The following NAV1 variants were observed in gnomAD, a reference collection of about 807,000 sequenced individuals.
The protein encoded by NAV1 is neuron navigator 1.
Under a neutral mutation model 175.2 loss-of-function variants are expected in NAV1, and 18 were observed. The observed-to-expected ratio is 0.10, with a 90% CI of 0.07 to 0.15. The LOEUF (loss-of-function observed/expected upper bound fraction) is 0.15. NAV1 is among the 10% of genes least tolerant of loss of function. The pLI, the probability that NAV1 is intolerant of heterozygous loss-of-function variation, is 1.00. For missense variants in NAV1, 1,731 were observed against 2,436.6 expected, an observed-to-expected ratio of 0.71 and a Z score of 6.10; for synonymous variants, 897 against 978.7, an observed-to-expected ratio of 0.92 and a Z score of 1.56.
chr1:201,593,028 A>T (rs2102216753), intron 2 of NAV1, among the ~76,000 whole-genome samples: 1 of 152,208 alleles, frequency 6.6e-6, no homozygotes, highest in African/African-American at 2.4e-5. Context: ...GGCTCCTATC[A>T]CCAAAGATGT....
intron 3 of NAV1, among the ~76,000 whole-genome samples, chr1:201,742,873 C>T (rs1558117828): frequency 1.5e-5 from 1 of 68,056 alleles, no homozygotes; most frequent in African/African-American, 3.6e-5. Flanking sequence ...TCCTGCAAAG[C>T]CCCTGCCCTG....
chr1:201,632,094 C>T (rs1189889654), intron 2 of NAV1, among the ~76,000 whole-genome samples: 1 of 152,048 alleles, frequency 6.6e-6, no homozygotes, highest in African/African-American at 2.4e-5. Context: ...CTTCCAAGCT[C>T]ACTGAATGGG....
rs1273953737 is a variant in NAV1 at position 201,808,392 on chromosome 1, CTGGCTTGACTCT to C, written c.3846-23_3846-12del. ...TAACTCTAGTGCTTCTTCATGTAGC[CTGGCTTGACTCT>C]TGCTATCTTACAGGGGCCCTGCTCA... On this transcript the variant is annotated splice_polypyrimidine_tract_variant and intron_variant, in intron 18 of 29. Coordinates refer to ENST00000367296, the Ensembl canonical transcript of NAV1. This position sits in a 1 kb window ranked among gnomAD's most constrained non-coding sequence, Gnocchi z 5.5. 6.3e-7 allele frequency: 1 copy of C among 1,593,026 alleles called. No homozygotes were observed. The highest frequency in any genetic ancestry group is 1.1e-5 in the South Asian group (1 of 87,878).
At chr1:201,599,897 A>C (rs995524061) in intron 2 of NAV1, among the ~76,000 whole-genome samples, 3 of 152,200 alleles carry the variant, frequency 2.0e-5, no homozygotes, top group African/African-American at 7.2e-5. Flanking sequence ...GCTGAGATAC[A>C]ATCTTGTCTC....
At chr1:201,747,010 G>A (rs58059867) in intron 3 of NAV1, among the ~76,000 whole-genome samples, 15,650 of 149,242 alleles carry the variant, frequency 0.1, 814 homozygotes, top group Middle Eastern at 0.21. Context: ...AAAAAAAAAT[G>A]AAGAAATTTG....
intron 1 of NAV1, among the ~76,000 whole-genome samples, chr1:201,565,138 A>G (rs1666315098): frequency 6.6e-6 from 1 of 152,226 alleles, no homozygotes; most frequent in South Asian, 2.1e-4. Context: ...ACCACAGAGA[A>G]CACTAATGGT....
intron 16 of NAV1, chr1:201,804,088 G>A: frequency 2.1e-6 from 1 of 474,742 alleles, no homozygotes; most frequent in South Asian, 1.7e-5. Context: ...GAACAAAGCT[G>A]TTCATTCTAG....
intron 1 of NAV1, among the ~76,000 whole-genome samples, chr1:201,683,660 A>G (rs916055279): frequency 6.6e-6 from 1 of 152,206 alleles, no homozygotes; most frequent in Non-Finnish European, 1.5e-5. Flanking sequence ...GTACTGGTCC[A>G]TGGCCTGGGG....
chr1:201,821,551 C>CAA (rs1553284752), exon 30 of NAV1: 10 of 139,002 alleles, frequency 7.2e-5, no homozygotes, highest in East Asian at 6.1e-4. Flanking sequence ...CACACACACA[C>CAA]AAGACCTGGG....
chr1:201,555,181 G>A (rs1055654322), intron 1 of NAV1, among the ~76,000 whole-genome samples: 22 of 152,108 alleles, frequency 1.4e-4, no homozygotes, highest in African/African-American at 4.8e-4. Context: ...CACATTCGGA[G>A]ACACTGGGAA....
chr1:201,602,314 G>A (rs1367089188), intron 2 of NAV1, among the ~76,000 whole-genome samples: 5 of 152,158 alleles, frequency 3.3e-5, no homozygotes, highest in Middle Eastern at 3.2e-3. Flanking sequence ...TTGCAATTCG[G>A]TTCTTCTCTA....
At chr1:201,809,330 G>A in intron 21 of NAV1, 69 bp downstream of exon 25, 1 of 1,596,222 alleles carries the variant, frequency 6.3e-7, no homozygotes, top group Non-Finnish European at 8.6e-7. Context: ...AGAAAATCTG[G>A]ACCCTGGGTA....
At chr1:201,699,085 G>C (rs1239269494) in intron 1 of NAV1, among the ~76,000 whole-genome samples, 1 of 152,230 alleles carries the variant, frequency 6.6e-6, no homozygotes. Flanking sequence ...GGAAGTTCTG[G>C]CCAGGGCAAT....
intron 2 of NAV1, among the ~76,000 whole-genome samples, chr1:201,608,717 T>C (rs540562213): frequency 6.6e-6 from 1 of 152,218 alleles, no homozygotes; most frequent in Admixed American, 6.5e-5. Flanking sequence ...TTTCTGAGAT[T>C]GGGGTCAGCT....
At chr1:201,601,580 A>C (rs1406208023) in intron 2 of NAV1, among the ~76,000 whole-genome samples, 1 of 152,152 alleles carries the variant, frequency 6.6e-6, no homozygotes, top group Non-Finnish European at 1.5e-5. Context: ...GAATGGGATT[A>C]GGGCCCTTAT....
chr1:201,639,313 C>G (rs569076171), intron 2 of NAV1, among the ~76,000 whole-genome samples: 15 of 152,170 alleles, frequency 9.9e-5, no homozygotes, highest in Non-Finnish European at 1.9e-4. Context: ...TCCTGGGAAG[C>G]CAGCGAGGTC....
intron 3 of NAV1, among the ~76,000 whole-genome samples, chr1:201,752,582 CT>C (rs1159758774): frequency 3.3e-5 from 5 of 150,856 alleles, no homozygotes; most frequent in Admixed American, 3.3e-4. Flanking sequence ...AGACAAAGTG[CT>C]AAGAAGGTAA....
intron 1 of NAV1, among the ~76,000 whole-genome samples, chr1:201,554,591 T>C (rs1262613133): frequency 6.6e-6 from 1 of 152,154 alleles, no homozygotes; most frequent in Non-Finnish European, 1.5e-5. Context: ...CAGGACTGGA[T>C]GACTGTGGAA....
intron 2 of NAV1, among the ~76,000 whole-genome samples, chr1:201,642,557 T>TC (rs1553247081): frequency 9.4e-6 from 1 of 106,018 alleles, no homozygotes; most frequent in Non-Finnish European, 1.9e-5. Flanking sequence ...TTCTTTCTTT[T>TC]TTCCCTTTCT....
Sources: gnomAD v4.1 joint callset for allele counts (sites outside exome capture counted in the v4.1 genomes callset) on GRCh38, gnomAD v4.1.1 for gene constraint, Gnocchi (gnomAD v3.1) non-coding constraint, MANE v1.5 for transcripts, NCBI Gene and HGNC (gene_info 2026-07-23, HGNC 2026-07-21) for gene names.